Variants in RTRAF observed in about 807,000 individuals in gnomAD.
RTRAF encodes tRNA-splicing ligase complex subunit RTRAF.
In RTRAF, 14 loss-of-function variants were observed where a neutral mutation model predicts 34.4. The observed-to-expected ratio is 0.41, with a 90% CI of 0.27 to 0.64. The LOEUF (loss-of-function observed/expected upper bound fraction) is 0.64. RTRAF is among the 30% of genes least tolerant of loss of function. RTRAF has a pLI of 0.34. For synonymous variants in RTRAF, 96 were observed against 95.3 expected (o/e 1.01, Z -0.04); for missense variants, 291 against 288.4 (o/e 1.01, Z -0.06).
At chr14:51,996,770 T>A (rs566312859) in intron 3 of RTRAF, among the ~76,000 whole-genome samples, 2 of 152,154 alleles carry the variant, frequency 1.3e-5, no homozygotes, top group South Asian at 2.1e-4. Context: ...GATATACTAT[T>A]ATTTATTCAC....
In RTRAF at chr14:51,993,795, G is replaced by T. The variant is rs764289976; in HGVS notation, c.259G>T (p.Ala87Ser). Residue 87 changes from alanine to serine, a missense_variant, in exon 3 of 8, where the codon GCT (alanine) becomes TCT (serine). Physicochemically the swap from Ala to Ser is moderately conservative, Grantham distance 99 (BLOSUM62 1). Transcript: ENST00000261700. ...AGCTATTGACTGGCTTCTTGGTTTA[G>T]CTGTTAGACTTGAATATGGAGATAA... ...QEAIDWLLGL[A>S]VRLEYGDNAE... The T allele has an allele frequency of 1.9e-6, 3 of 1,598,502 alleles. No homozygotes were observed. Among genetic ancestry groups the T allele is most frequent in the Non-Finnish European group, 2.6e-6 (3 of 1,171,636 alleles).
At position 52,005,997 on chromosome 14, in the gene RTRAF, AAGACC is replaced by A; in HGVS notation, c.*1483_*1487del. ...GGTGCTAAAGCCATACTGAAGTTTGAAGACCATTGCTCTAAATCCATTGCTCATCT... is the reference window on the plus strand; with the variant it reads ...GGTGCTAAAGCCATACTGAAGTTTGAATTGCTCTAAATCCATTGCTCATCT... On this transcript the variant is annotated 3_prime_UTR_variant, in exon 8 of 8. Coordinates refer to ENST00000261700, the MANE Select transcript of RTRAF (RefSeq NM_016039.3). 2 of 632,906 alleles carry A rather than the reference AAGACC, an allele frequency of 3.2e-6. No homozygotes were observed. Among genetic ancestry groups the A allele is most frequent in the East Asian group, 5.5e-5 (2 of 36,124 alleles). The allele number at this position is 632,906 out of a possible 1,614,324, so 39.2% of individuals were successfully genotyped here.
At chr14:51,992,829 G>C (rs527727090) in intron 2 of RTRAF, among the ~76,000 whole-genome samples, 1 of 152,098 alleles carries the variant, frequency 6.6e-6, no homozygotes, top group South Asian at 2.1e-4. Context: ...TCAGGGGTTC[G>C]AGACCAGCCG....
Position 52,007,783 on chromosome 14 carries a change from C to G in RTRAF, c.*3267C>G, listed in dbSNP as rs371960498. 68 of 1,596,284 alleles carry G rather than the reference C, an allele frequency of 4.3e-5. No homozygotes were observed. Among genetic ancestry groups the G allele is most frequent in the Non-Finnish European group, 5.4e-5 (63 of 1,166,726 alleles). On this transcript the variant is annotated 3_prime_UTR_variant, in exon 8 of 8. Coordinates refer to ENST00000261700, the MANE Select transcript of RTRAF (RefSeq NM_016039.3). ...CACATTCACTGTGATGAGAGGTTAT[C>G]TATTTGCATTCCATCAGTAGTATTA...
chr14:51,998,307 A>C (rs1566732940), intron 3 of RTRAF, 187 bp from the exon 4 acceptor site: 12 of 467,370 alleles, frequency 2.6e-5, no homozygotes, highest in Non-Finnish European at 3.5e-5. Flanking sequence ...CCCATCCCCA[A>C]AATATCCCAT....
intron 6 of RTRAF, among the ~76,000 whole-genome samples, chr14:52,003,476 A>C (rs922400507): frequency 6.6e-6 from 1 of 152,164 alleles, no homozygotes; most frequent in African/African-American, 2.4e-5. Context: ...GAATAGTAAC[A>C]GGTTGTAACA....
At chr14:51,996,806 C>T (rs1012963397) in intron 3 of RTRAF, among the ~76,000 whole-genome samples, 1 of 151,940 alleles carries the variant, frequency 6.6e-6, no homozygotes, top group African/African-American at 2.4e-5. Context: ...CCACTTCTCT[C>T]GAAAGAAAAA....
intron 6 of RTRAF, among the ~76,000 whole-genome samples, chr14:52,002,953 T>A (rs7494318): frequency 1 from 152,366 of 152,366 alleles, 76,183 homozygotes; most frequent in Non-Finnish European, 1. Flanking sequence ...TATTTCACCC[T>A]CCCTATAGAA....
intron 4 of RTRAF, among the ~76,000 whole-genome samples, chr14:51,999,131 A>G (rs149902900): frequency 5.3e-5 from 8 of 152,122 alleles, no homozygotes; most frequent in African/African-American, 1.4e-4. Context: ...GAGGGGATCT[A>G]TGTACTAAAA....
Position 52,008,298 on chromosome 14 carries a change from G to A in RTRAF, c.*3782G>A. ...GGAACTGATGTCCTTGAGGGCTGTT[G>A]GCCAGAGACATTAGTCTTGCCTGTA... is the stretch of plus-strand genomic sequence containing the variant. On this transcript the variant is annotated 3_prime_UTR_variant, in exon 8 of 8. Coordinates refer to ENST00000261700, the MANE Select transcript of RTRAF (RefSeq NM_016039.3). 4.9e-6 allele frequency: 1 copy of A among 202,498 alleles called. No homozygotes were observed. The highest frequency in any genetic ancestry group is 1.0e-5 in the Non-Finnish European group (1 of 100,308). 12.5% of individuals were successfully genotyped at this position (202,498 alleles called of 1,614,324 possible).
chr14:51,999,631 T>C, intron 4 of RTRAF, 77 bp from the exon 5 acceptor site: 2 of 1,030,926 alleles, frequency 1.9e-6, no homozygotes, highest in Non-Finnish European at 2.9e-6. Flanking sequence ...TAAAAATGTT[T>C]TTGTATGTTC....
chr14:51,995,623 G>A (rs113318946), intron 3 of RTRAF, among the ~76,000 whole-genome samples: 1 of 152,166 alleles, frequency 6.6e-6, no homozygotes, highest in African/African-American at 2.4e-5. Flanking sequence ...ATAGTTTCTT[G>A]CACACAACAG....
intron 5 of RTRAF, 46 bp from the exon 6 acceptor site, chr14:52,001,752 C>T (rs1157800049): frequency 2.0e-6 from 3 of 1,478,622 alleles, no homozygotes; most frequent in Non-Finnish European, 2.8e-6. Context: ...GAAAGGATGA[C>T]AGGTACACAG....
At chr14:51,997,989 C>T (rs1890545958) in intron 3 of RTRAF, 1 of 151,814 alleles carries the variant, frequency 6.6e-6, no homozygotes, top group African/African-American at 2.4e-5. Flanking sequence ...TTAGCTTAAT[C>T]AAAAAGATAG....
At chr14:51,996,858 T>TTG (rs1890529275) in intron 3 of RTRAF, among the ~76,000 whole-genome samples, 1 of 152,190 alleles carries the variant, frequency 6.6e-6, no homozygotes, top group Admixed American at 6.5e-5. Flanking sequence ...GCATTAGTTG[T>TTG]TACATCTGTC....
rs1335678088 is a variant in RTRAF, at chr14:51,999,791, C to T, written c.457C>T (p.Leu153Phe). The change falls in exon 5 of 8, where the codon CTT becomes TTT. Residue 153 changes from leucine (L) to phenylalanine (F), a missense_variant. Transcript: ENST00000261700. ...GCGTCATGATGATTACCTGGTAATG[C>T]TTAAGGTCAGCTTCATGTTCTTGAT... ...IQRHDDYLVM[L>F]KAIRILVQER... 7 of 1,604,806 alleles carry T rather than the reference C, an allele frequency of 4.4e-6. No homozygotes were observed. Among genetic ancestry groups the T allele is most frequent in the Non-Finnish European group, 6.0e-6 (7 of 1,173,360 alleles).
At chr14:51,990,628 C>T (rs1890417275) in intron 1 of RTRAF, among the ~76,000 whole-genome samples, 1 of 152,146 alleles carries the variant, frequency 6.6e-6, no homozygotes, top group Admixed American at 6.5e-5. Context: ...GTATCAGTGA[C>T]AATAGAGCCT....
At position 52,010,290 on chromosome 14, in the gene RTRAF, TTTCTCAAGATATAAAAATTCTCCCTGA is replaced by T. The variant is rs1462412395; in HGVS notation, c.*5777_*5803del. 6.6e-6 allele frequency: 1 copy of T among 152,234 alleles called. No individual in the cohort carries two copies. The highest frequency in any genetic ancestry group is 1.5e-5 in the Non-Finnish European group (1 of 68,066). The allele number at this position is 152,234 out of a possible 1,614,324, so 9.4% of individuals were successfully genotyped here. The stretch of plus-strand genomic sequence containing the variant: ...AAACTCCACTTAAACATGGCAAGAG[TTTCTCAAGATATAAAAATTCTCCCTGA>T]TTGTAACAAGTACTGAGACAGTGAA... On this transcript the variant is annotated 3_prime_UTR_variant, in exon 8 of 8. Coordinates refer to ENST00000261700, the MANE Select transcript of RTRAF (RefSeq NM_016039.3).
Position 52,007,590 on chromosome 14 carries a change from A to C in RTRAF, c.*3074A>C, listed in dbSNP as rs1007162192. On this transcript the variant is annotated 3_prime_UTR_variant, in exon 8 of 8. Coordinates refer to ENST00000261700, the MANE Select transcript of RTRAF (RefSeq NM_016039.3). ...GCCAGGCACTCATGGTCAGGCAAGC[A>C]GTACAAACTTACTGCTTGATATATC... is the stretch of plus-strand genomic sequence containing the variant. 2.1e-5 allele frequency: 11 copies of C among 529,650 alleles called. No individual in the cohort carries two copies. Among genetic ancestry groups the C allele is most frequent in the African/African-American group, 5.9e-5 (3 of 51,234 alleles). 32.8% of individuals were successfully genotyped at this position (529,650 alleles called of 1,614,324 possible). A position where few individuals can be genotyped will look rare whatever the true frequency, so the allele number is the denominator to read the frequency against.
Sources: allele counts gnomAD v4.1 joint callset (sites outside exome capture counted in the v4.1 genomes callset), GRCh38; gene constraint gnomAD v4.1.1; transcripts MANE v1.5; gene names NCBI Gene and HGNC (gene_info 2026-07-23, HGNC 2026-07-21).